The following CSMD1 variants were observed in gnomAD, a reference collection of about 807,000 sequenced individuals.
CSMD1 encodes the protein CUB and Sushi multiple domains 1, also known as CUB and sushi domain-containing protein 1.
In CSMD1, 213 loss-of-function variants were observed where a neutral mutation model predicts 417.5. The observed-to-expected ratio is 0.51, with a 90% confidence interval of 0.46 to 0.57. The LOEUF is 0.57. Among genes scored for constraint, CSMD1 ranks in the 20% least tolerant of loss-of-function variants. The pLI, the probability that CSMD1 is intolerant of heterozygous loss-of-function variation, is 0.00. For missense variants in CSMD1, 6,923 were observed against 4,529.7 expected (o/e 1.53, Z -15.17); for synonymous variants, 2,862 against 1,736.8 (o/e 1.65, Z -16.11).
At chr8:3,968,715 T>C (rs1479078870) in intron 5 of CSMD1, among the ~76,000 whole-genome samples, 3 of 152,174 alleles carry the variant, frequency 2.0e-5, no homozygotes, top group Admixed American at 2.0e-4. Flanking sequence ...GTCTGTGTAT[T>C]ATCTAATGTG....
chr8:3,154,435 T>C (rs1819392541), intron 39 of CSMD1, among the ~76,000 whole-genome samples: 2 of 152,240 alleles, frequency 1.3e-5, no homozygotes, highest in Admixed American at 1.3e-4. Context: ...TTAGAGTTAT[T>C]GGTAAATGTG....
At chr8:3,474,489 C>T (rs767469355) in intron 11 of CSMD1, among the ~76,000 whole-genome samples, 8 of 152,070 alleles carry the variant, frequency 5.3e-5, no homozygotes, top group Admixed American at 3.9e-4. Context: ...ATTTGGTAAA[C>T]AGTAATCTTT....
chr8:4,393,182 C>G (rs912982205), intron 3 of CSMD1, among the ~76,000 whole-genome samples: 2 of 151,932 alleles, frequency 1.3e-5, no homozygotes, highest in African/African-American at 4.8e-5. Flanking sequence ...CACCATGTTG[C>G]CCAGGATGGT....
chr8:4,531,013 A>C (rs1163785125), intron 2 of CSMD1, among the ~76,000 whole-genome samples: 1 of 151,876 alleles, frequency 6.6e-6, no homozygotes, highest in African/African-American at 2.4e-5. Context: ...CTGCCACCCC[A>C]TCCTCTCTGC....
intron 1 of CSMD1, among the ~76,000 whole-genome samples, chr8:4,669,806 A>G (rs2130943512): frequency 6.6e-6 from 1 of 152,326 alleles, no homozygotes; most frequent in East Asian, 1.9e-4. Context: ...TGATTTAAGT[A>G]GCAATATTTG....
Position 2,966,976 on chromosome 8 carries a change from A to G in CSMD1, c.8924-230T>C, listed in dbSNP as rs147721801. On this transcript the variant is annotated intron_variant, in intron 57 of 69. Transcript: ENST00000635120. ...CTTTCAATTCGTCTTTTCTAAAGTG[A>G]ACTATTTCTAAACAAATTAAAACAT... Among the ~76,000 whole-genome samples, 120 of 152,350 alleles carry G rather than the reference A, an allele frequency of 7.9e-4. 1 individual carries two copies. In the East Asian group the frequency reaches 0.022, roughly 27 times the overall value.
intron 7 of CSMD1, among the ~76,000 whole-genome samples, chr8:3,633,375 G>C (rs930756043): frequency 6.6e-6 from 1 of 152,146 alleles, no homozygotes; most frequent in Admixed American, 6.5e-5. Context: ...ATATTTTCTT[G>C]AGACTGACAA....
intron 2 of CSMD1, among the ~76,000 whole-genome samples, chr8:4,427,156 A>C (rs1288430303): frequency 6.7e-6 from 1 of 149,938 alleles, no homozygotes; most frequent in African/African-American, 2.5e-5. Flanking sequence ...GTGAGGACAG[A>C]ATCTACACAA....
chr8:3,049,169 C>T (rs1811652603), intron 50 of CSMD1, among the ~76,000 whole-genome samples: 1 of 152,122 alleles, frequency 6.6e-6, no homozygotes, highest in African/African-American at 2.4e-5. Flanking sequence ...TGAAGATAGT[C>T]TGATGGTTTC....
intron 26 of CSMD1, among the ~76,000 whole-genome samples, chr8:3,271,052 A>T (rs1487788694): frequency 6.7e-6 from 1 of 149,436 alleles, no homozygotes; most frequent in Non-Finnish European, 1.5e-5. Flanking sequence ...AGCAATAGGT[A>T]TATCTCCCAA....
rs568863684 is a variant in CSMD1 at position 3,516,628 on chromosome 8, G to A, written c.1345-22902C>T. On this transcript the variant is annotated intron_variant, in intron 10 of 69. Coordinates refer to ENST00000635120, the MANE Select transcript of CSMD1 (RefSeq NM_033225.6). ...GAGGATGTTTATTTTTGTTGTTATTGTTTTTAATTTTAATTATTGTGTTTT... is the reference window on the plus strand; with the variant it reads ...GAGGATGTTTATTTTTGTTGTTATTATTTTTAATTTTAATTATTGTGTTTT... Among the ~76,000 whole-genome samples the A allele has an allele frequency of 1.1e-3, 168 of 152,214 alleles. 1 individual carries two copies. Among genetic ancestry groups the A allele is most frequent in the African/African-American group, 3.8e-3 (157 of 41,544 alleles).
At chr8:3,756,096 C>A (rs1011039094) in intron 5 of CSMD1, among the ~76,000 whole-genome samples, 1 of 152,056 alleles carries the variant, frequency 6.6e-6, no homozygotes, top group Admixed American at 6.6e-5. Flanking sequence ...GTGGCTCACA[C>A]CTCTAATCCC....
chr8:3,350,188 A>G (rs1426687532), intron 21 of CSMD1, among the ~76,000 whole-genome samples: 3 of 126,714 alleles, frequency 2.4e-5, no homozygotes, highest in Admixed American at 1.7e-4. Flanking sequence ...ATAACCTATA[A>G]CTTGTGTATG....
intron 8 of CSMD1, among the ~76,000 whole-genome samples, chr8:3,591,842 G>T (rs1400355507): frequency 6.6e-6 from 1 of 152,108 alleles, no homozygotes; most frequent in Non-Finnish European, 1.5e-5. Context: ...TAGGTACATA[G>T]ATTAGATAGA....
chr8:4,078,985 T>C (rs924864387), intron 3 of CSMD1, among the ~76,000 whole-genome samples: 2 of 148,278 alleles, frequency 1.3e-5, no homozygotes, highest in Non-Finnish European at 1.5e-5. Context: ...TCCCACAATG[T>C]TGCATTAACA....
In CSMD1 at chr8:2,973,152, T is replaced by C. The variant is rs769551849; in HGVS notation, c.8888A>G (p.Asn2963Ser). ...CGGCTGCAGTCCTGACCATGACCCA[T>C]TGAGCAAACACGTGCGTTCAGGGGA... ...RGSPERTCLL[N>S]GSWSGLQPVC... Residue 2963 changes from asparagine to serine, a missense_variant, in exon 57 of 70, where the codon AAT becomes AGT. Asn to Ser is a conservative substitution (Grantham distance 46). Transcript: ENST00000635120. The C allele has an allele frequency of 6.8e-6, 11 of 1,613,620 alleles. No homozygotes were observed. The highest frequency in any genetic ancestry group is 4.5e-5 in the East Asian group (2 of 44,882).
intron 1 of CSMD1, among the ~76,000 whole-genome samples, chr8:4,723,577 T>G (rs1313315826): frequency 1.3e-5 from 2 of 151,940 alleles, no homozygotes; most frequent in African/African-American, 4.8e-5. Flanking sequence ...TACCAAATAT[T>G]GTAAATTGTA....
intron 3 of CSMD1, among the ~76,000 whole-genome samples, chr8:4,068,762 A>AT (rs1366469652): frequency 3.9e-5 from 6 of 152,198 alleles, no homozygotes; most frequent in African/African-American, 1.4e-4. Flanking sequence ...TAAAATAATG[A>AT]TTTTCTGAAC....
In CSMD1 at chr8:3,439,151, AAC is replaced by A. The variant is rs1381210513; in HGVS notation, c.1562-29548_1562-29547del. Reference sequence around the variant, plus strand: ...AAAAAAAAAAAAAAAAAAAAAAAAAAACCAAGAAAAAAAAAAGAAAAAGAAAA... The same window carrying A: ...AAAAAAAAAAAAAAAAAAAAAAAAAACAAGAAAAAAAAAAGAAAAAGAAAA... On this transcript the variant is annotated intron_variant, in intron 12 of 69. Coordinates refer to ENST00000635120, the MANE Select transcript of CSMD1 (RefSeq NM_033225.6). Among the ~76,000 whole-genome samples, 201 of 108,130 alleles carry A rather than the reference AAC, an allele frequency of 1.9e-3. 63 individuals carry two copies. The highest frequency in any genetic ancestry group is 6.1e-3 in the African/African-American group (138 of 22,576). The allele number at this position is 108,130 out of a possible 152,430, so 70.9% of individuals were successfully genotyped here. A position where few individuals can be genotyped will look rare whatever the true frequency, so the allele number is the denominator to read the frequency against.
Sources: allele counts gnomAD v4.1 joint callset (sites outside exome capture counted in the v4.1 genomes callset), GRCh38; gene constraint gnomAD v4.1.1; transcripts MANE v1.5; gene names NCBI Gene and HGNC (gene_info 2026-07-23, HGNC 2026-07-21).